The following GRM7 variants were observed in gnomAD, a reference collection of about 807,000 sequenced individuals.
GRM7 encodes metabotropic glutamate receptor 7.
Under a neutral mutation model 84.5 loss-of-function variants are expected in GRM7, and 35 were observed. The ratio of observed to expected loss-of-function variants is 0.41; its 90% CI spans 0.32 to 0.55. The LOEUF is 0.55. Among genes scored for constraint, GRM7 ranks in the 20% least tolerant of loss-of-function variants. GRM7 has a pLI of 0.19. For synonymous variants in GRM7, 487 were observed against 455.1 expected (o/e 1.07, Z -0.89); for missense variants, 1,003 against 1,194.6 (o/e 0.84, Z 2.36).
chr3:7,118,322 C>G (rs74755326), intron 1 of GRM7, among the ~76,000 whole-genome samples: 1 of 151,638 alleles, frequency 6.6e-6, no homozygotes, highest in Non-Finnish European at 1.5e-5. Context: ...CCTGGGAGGT[C>G]GAGTCTATAG....
chr3:6,887,819 A>G lies in GRM7; in HGVS notation c.519+25912A>G, dbSNP rs192402062. ...AGGAATGGCCACACTGTCTTCCACA[A>G]TGGTTGAACTAATTTATACTTGCGC... On this transcript the variant is annotated intron_variant, in intron 1 of 9. Transcript: ENST00000357716. Among the ~76,000 whole-genome samples the G allele has an allele frequency of 3.3e-3, 505 of 152,320 alleles. 8 individuals carry two copies. Among genetic ancestry groups the G allele is most frequent in the African/African-American group, 0.012 (480 of 41,578 alleles).
At chr3:7,388,265 A>G (rs1348836332) in intron 4 of GRM7, among the ~76,000 whole-genome samples, 1 of 151,904 alleles carries the variant, frequency 6.6e-6, no homozygotes, top group Non-Finnish European at 1.5e-5. Context: ...TCCTTTTCCT[A>G]CTTGGATGCC....
intron 1 of GRM7, among the ~76,000 whole-genome samples, chr3:6,979,925 C>T (rs1315648374): frequency 6.6e-6 from 1 of 152,076 alleles, no homozygotes; most frequent in Non-Finnish European, 1.5e-5. Context: ...ATGTGTATGT[C>T]ATTCTGTGAG....
In GRM7 at chr3:7,579,350, C is replaced by A. The variant is rs201610100; in HGVS notation, c.2444C>A (p.Ala815Glu). 9 of 1,536,100 alleles carry A rather than the reference C, an allele frequency of 5.9e-6. No individual in the cohort carries two copies. The Admixed American group carries it at 1.6e-4, about 27-fold the overall frequency. ...ATTTTTTTTGGCACCGCTCAATCAG[C>A]GGAAAAGGTAAGTGAAAATGCACAT... Reference protein sequence around the residue: ...IPIFFGTAQSAEKLYIQTTTL... With the variant: ...IPIFFGTAQSEEKLYIQTTTL... The change falls in exon 8 of 10, where the codon GCG becomes GAG. Residue 815 changes from alanine to glutamate, a missense_variant. Physicochemically the swap from Ala to Glu is moderately radical, Grantham distance 107 (BLOSUM62 -1). Transcript: ENST00000357716.
intron 1 of GRM7, among the ~76,000 whole-genome samples, chr3:6,932,667 C>A (rs886852968): frequency 7.3e-5 from 11 of 150,874 alleles, no homozygotes; most frequent in Admixed American, 1.3e-4. Context: ...CGGGAGGTCA[C>A]ATATAACTTT....
At chr3:7,517,578 G>A (rs976468694) in intron 7 of GRM7, among the ~76,000 whole-genome samples, 25 of 152,156 alleles carry the variant, frequency 1.6e-4, no homozygotes, top group African/African-American at 6.0e-4. Context: ...TTTTTTTGTA[G>A]AGACAAGTTT....
At chr3:7,540,429 G>A (rs905872053) in intron 7 of GRM7, among the ~76,000 whole-genome samples, 1 of 152,190 alleles carries the variant, frequency 6.6e-6, no homozygotes, top group Non-Finnish European at 1.5e-5. Flanking sequence ...GCATGCTTCA[G>A]TAGGAATTAT....
intron 2 of GRM7, among the ~76,000 whole-genome samples, chr3:7,254,202 A>G (rs1276359877): frequency 2.0e-5 from 3 of 152,200 alleles, no homozygotes; most frequent in Admixed American, 6.5e-5. Context: ...CGTGCTTTAC[A>G]AAGGCCCCGT....
chr3:7,641,953 TA>T (rs35371570), intron 8 of GRM7, among the ~76,000 whole-genome samples: 131,523 of 151,334 alleles, frequency 0.87, 57,261 homozygotes, highest in African/African-American at 0.93. Context: ...AAACCGTCAT[TA>T]AAAAAAAAAT....
intron 4 of GRM7, among the ~76,000 whole-genome samples, chr3:7,355,005 T>C (rs1012641805): frequency 2.6e-5 from 4 of 152,166 alleles, no homozygotes; most frequent in African/African-American, 9.6e-5. Context: ...TCTATTACAT[T>C]AATGACATGC....
At chr3:7,726,609 C>T (rs1702135894) in intron 9 of GRM7, among the ~76,000 whole-genome samples, 1 of 80,858 alleles carries the variant, frequency 1.2e-5, no homozygotes, top group Admixed American at 1.4e-4. Flanking sequence ...GTCTCTCTCT[C>T]CCTCTATATA....
rs758162901 is a variant in GRM7 at position 6,861,350 on chromosome 3, C to T, written c.-39C>T. On this transcript the variant is annotated 5_prime_UTR_variant, in exon 1 of 10. Coordinates refer to ENST00000357716, the MANE Select transcript of GRM7 (RefSeq NM_000844.4). The surrounding 1 kb of genome is among the most constrained non-coding windows in gnomAD (Gnocchi z 6.4). ...ACCTCGGCGAGCCCACCACCGTTCC[C>T]TCCAGCGCCGCCGCCGCCACCGCAG... 3.4e-6 allele frequency: 5 copies of T among 1,472,364 alleles called. No homozygotes were observed. The highest frequency in any genetic ancestry group is 2.5e-4 in the Middle Eastern group (1 of 3,988). The allele number at this position is 1,472,364 out of a possible 1,614,324, so 91.2% of individuals were successfully genotyped here. A position where few individuals can be genotyped will look rare whatever the true frequency, so the allele number is the denominator to read the frequency against.
chr3:7,368,103 A>G (rs1278628756), intron 4 of GRM7, among the ~76,000 whole-genome samples: 2 of 152,048 alleles, frequency 1.3e-5, no homozygotes, highest in East Asian at 1.9e-4. Flanking sequence ...GATGCATATA[A>G]AGTATAAGAC....
intron 1 of GRM7, among the ~76,000 whole-genome samples, chr3:6,947,625 A>T (rs190178204): frequency 2.0e-5 from 3 of 152,310 alleles, no homozygotes; most frequent in African/African-American, 7.2e-5. Context: ...TTTCAGAAGG[A>T]ATGGTACCAG....
At chr3:7,267,862 T>G (rs377702740) in intron 2 of GRM7, among the ~76,000 whole-genome samples, 3 of 152,260 alleles carry the variant, frequency 2.0e-5, no homozygotes, top group South Asian at 2.1e-4. Flanking sequence ...GTGACAAATC[T>G]AAGTTTCTAG....
intron 7 of GRM7, among the ~76,000 whole-genome samples, chr3:7,527,007 G>T (rs1159083144): frequency 6.6e-6 from 1 of 151,622 alleles, no homozygotes; most frequent in African/African-American, 2.4e-5. Context: ...TTTGTCTGTT[G>T]TGGCTCTTTT....
intron 5 of GRM7, among the ~76,000 whole-genome samples, chr3:7,441,873 T>C (rs112044820): frequency 0.1 from 15,311 of 152,214 alleles, 942 homozygotes; most frequent in South Asian, 0.27. Context: ...CTGTTTTGTT[T>C]ACTGTAGCCT....
intron 2 of GRM7, among the ~76,000 whole-genome samples, chr3:7,287,751 A>T (rs181073542): frequency 2.2e-3 from 341 of 151,822 alleles, no homozygotes; most frequent in Non-Finnish European, 4.1e-3. Context: ...TCTCAAATTT[A>T]AAAAAAAATT....
chr3:7,229,753 ATATATATTTTTTTTT>A (rs1697118815), intron 2 of GRM7, among the ~76,000 whole-genome samples: 1 of 29,316 alleles, frequency 3.4e-5, no homozygotes, highest in Admixed American at 4.8e-4. Context: ...ATATATATAT[ATATATATTTTTTTTT>A]TTTTTTGGTT....
Sources: gnomAD v4.1 joint callset for allele counts (sites outside exome capture counted in the v4.1 genomes callset) on GRCh38, gnomAD v4.1.1 for gene constraint, Gnocchi (gnomAD v3.1) non-coding constraint, MANE v1.5 for transcripts, NCBI Gene and HGNC (gene_info 2026-07-23, HGNC 2026-07-21) for gene names.